The following DDR2 variants were observed in gnomAD, a reference collection of about 807,000 sequenced individuals.
DDR2 encodes discoidin domain receptor tyrosine kinase 2, also known as discoidin domain-containing receptor 2.
Under a neutral mutation model 94.9 loss-of-function variants are expected in DDR2, and 27 were observed. That is an observed-to-expected ratio of 0.28 (90% CI 0.21 to 0.39). DDR2 has a LOEUF of 0.39. Ranked by LOEUF, DDR2 falls within the 10% of genes least tolerant of loss-of-function variation. The pLI, the probability that DDR2 is intolerant of heterozygous loss-of-function variation, is 1.00. For missense variants in DDR2, 783 were observed against 1,076.0 expected (o/e 0.73, Z 3.81); for synonymous variants, 382 against 377.2 (o/e 1.01, Z -0.15).
chr1:162,717,068 C>G (rs936957988), intron 2 of DDR2, among the ~76,000 whole-genome samples: 1 of 149,894 alleles, frequency 6.7e-6, no homozygotes, highest in Non-Finnish European at 1.5e-5. Flanking sequence ...TTTTGTCTCA[C>G]TCTGTCGCCC....
In DDR2 at chr1:162,780,410, C is replaced by T; in HGVS notation, c.*164C>T. 6 of 793,434 alleles carry T rather than the reference C, an allele frequency of 7.6e-6. No individual in the cohort carries two copies. In the South Asian group the frequency reaches 1.2e-4, roughly 16 times the overall value. 49.1% of individuals were successfully genotyped at this position (793,434 alleles called of 1,614,324 possible). ...GGTCACCCCCACTCCCTACCCCTGA[C>T]TCATATACACTTTTTTTTTTTTTTA... On this transcript the variant is annotated 3_prime_UTR_variant, in exon 18 of 18. Coordinates refer to ENST00000367921, the MANE Select transcript of DDR2 (RefSeq NM_006182.4).
rs1208732800 is a variant in DDR2, at chr1:162,785,935, A to G, written c.*5689A>G. On this transcript the variant is annotated 3_prime_UTR_variant, in exon 18 of 18. Coordinates refer to ENST00000367921, the MANE Select transcript of DDR2 (RefSeq NM_006182.4). Reference sequence around the variant, plus strand: ...GAGACCAGACTCTGGCCTCATACCCAGCCTATTTGAAACAAGCTATCTAGT... The same window carrying G: ...GAGACCAGACTCTGGCCTCATACCCGGCCTATTTGAAACAAGCTATCTAGT... 1 of 152,204 alleles carries G rather than the reference A, an allele frequency of 6.6e-6. No homozygotes were observed. The highest frequency in any genetic ancestry group is 2.4e-5 in the African/African-American group (1 of 41,438). 9.4% of individuals were successfully genotyped at this position (152,204 alleles called of 1,614,324 possible). A position where few individuals can be genotyped will look rare whatever the true frequency, so the allele number is the denominator to read the frequency against.
intron 2 of DDR2, among the ~76,000 whole-genome samples, chr1:162,673,393 G>A (rs372529025): frequency 3.9e-5 from 6 of 152,066 alleles, no homozygotes; most frequent in African/African-American, 1.2e-4. Context: ...TCTCTTAATC[G>A]TAAAATTTTA....
intron 2 of DDR2, among the ~76,000 whole-genome samples, chr1:162,693,562 A>G (rs942247252): frequency 6.6e-6 from 1 of 152,244 alleles, no homozygotes; most frequent in Non-Finnish European, 1.5e-5. Flanking sequence ...TCAAGGGGAC[A>G]GCAAGGTCCT....
intron 2 of DDR2, among the ~76,000 whole-genome samples, chr1:162,694,269 C>T (rs1660086363): frequency 6.6e-6 from 1 of 152,156 alleles, no homozygotes; most frequent in African/African-American, 2.4e-5. Context: ...GAGTAAATGC[C>T]CTACAAGGTT....
intron 3 of DDR2, among the ~76,000 whole-genome samples, chr1:162,751,784 T>C (rs1663211346): frequency 6.6e-6 from 1 of 152,202 alleles, no homozygotes; most frequent in African/African-American, 2.4e-5. Flanking sequence ...TAAGAAAATG[T>C]GGCACATATA....
intron 2 of DDR2, among the ~76,000 whole-genome samples, chr1:162,670,647 A>G (rs1423282321): frequency 1.6e-5 from 2 of 127,516 alleles, no homozygotes; most frequent in South Asian, 3.0e-4. Flanking sequence ...CCTCCTGGGC[A>G]TTAATAATTT....
At chr1:162,662,615 A>G (rs1658361566) in intron 2 of DDR2, among the ~76,000 whole-genome samples, 1 of 152,110 alleles carries the variant, frequency 6.6e-6, no homozygotes, top group Admixed American at 6.5e-5. Flanking sequence ...TGTTTATTGC[A>G]CTGAAAAGAA....
upstream of DDR2, among the ~76,000 whole-genome samples, chr1:162,631,197 T>C (rs1448016265): frequency 6.8e-6 from 1 of 146,332 alleles, no homozygotes; most frequent in Non-Finnish European, 1.5e-5. Context: ...TGTGTGTGTG[T>C]GTGTGTGTGT....
chr1:162,779,778 T>C (rs1411708467), intron 17 of DDR2, among the ~76,000 whole-genome samples: 1 of 152,232 alleles, frequency 6.6e-6, no homozygotes, highest in East Asian at 1.9e-4. Context: ...TCAGCCAAGA[T>C]GAACTTCAAT....
chr1:162,652,372 G>C (rs1303243880), intron 1 of DDR2, among the ~76,000 whole-genome samples: 1 of 152,158 alleles, frequency 6.6e-6, no homozygotes, highest in African/African-American at 2.4e-5. Flanking sequence ...TTCCTGGCCT[G>C]GTGGGGAGGA....
At chr1:162,729,206 C>T (rs2941408) in intron 3 of DDR2, among the ~76,000 whole-genome samples, 1 of 149,530 alleles carries the variant, frequency 6.7e-6, no homozygotes. Flanking sequence ...AATGGGGCTT[C>T]TAACAGTCCT....
intron 9 of DDR2, 97 bp downstream of exon 9, chr1:162,761,551 T>G: frequency 6.3e-7 from 1 of 1,588,424 alleles, no homozygotes; most frequent in African/African-American, 1.3e-5. Flanking sequence ...CTGAGAGGAG[T>G]GGGATTGTAC....
intron 3 of DDR2, among the ~76,000 whole-genome samples, chr1:162,736,280 A>G (rs1662292269): frequency 6.6e-6 from 1 of 152,254 alleles, no homozygotes. Context: ...TCACTGCCTT[A>G]CAGAAAGCCT....
intron 3 of DDR2, among the ~76,000 whole-genome samples, chr1:162,724,377 CA>C (rs1179481455): frequency 6.6e-6 from 1 of 152,038 alleles, no homozygotes; most frequent in Non-Finnish European, 1.5e-5. Flanking sequence ...AGCCTGAGGC[CA>C]AAGAATGGAG....
At chr1:162,729,300 A>ATATATATATTTTTTT (rs1416872679) in intron 3 of DDR2, among the ~76,000 whole-genome samples, 1 of 94,016 alleles carries the variant, frequency 1.1e-5, no homozygotes, top group African/African-American at 5.3e-5. Flanking sequence ...ATATATATAT[A>ATATATATATTTTTTT]TTTTTTTTTT....
intron 3 of DDR2, among the ~76,000 whole-genome samples, chr1:162,736,294 AG>A (rs1311570286): frequency 5.3e-5 from 8 of 152,374 alleles, no homozygotes; most frequent in African/African-American, 1.9e-4. Flanking sequence ...AAAGCCTAAT[AG>A]AACTCTCTTG....
intron 1 of DDR2, 124 bp downstream of exon 1, chr1:162,632,755 G>A (rs1219891683): frequency 2.6e-5 from 4 of 152,172 alleles, no homozygotes; most frequent in South Asian, 2.1e-4. Flanking sequence ...TTTTAAGTCA[G>A]ACAAGGAAGG....
At chr1:162,648,272 A>G (rs1199819380) in intron 1 of DDR2, among the ~76,000 whole-genome samples, 1 of 152,186 alleles carries the variant, frequency 6.6e-6, no homozygotes, top group Non-Finnish European at 1.5e-5. Flanking sequence ...AAATTGAATA[A>G]GAATTGGAAT....
Sources: allele counts gnomAD v4.1 joint callset (sites outside exome capture counted in the v4.1 genomes callset), GRCh38; gene constraint gnomAD v4.1.1; transcripts MANE v1.5; gene names NCBI Gene and HGNC (gene_info 2026-07-23, HGNC 2026-07-21).